Variants in ERBB4 observed in about 807,000 individuals in gnomAD.
ERBB4 encodes receptor tyrosine-protein kinase erbB-4.
Under a neutral mutation model 158.0 loss-of-function variants are expected in ERBB4, and 42 were observed. The ratio of observed to expected loss-of-function variants is 0.27; its 90% CI spans 0.21 to 0.34. ERBB4 has a LOEUF of 0.34. ERBB4 is among the 10% of genes least tolerant of loss of function. The pLI, the probability that ERBB4 is intolerant of heterozygous loss-of-function variation, is 1.00. For synonymous variants in ERBB4, 583 were observed against 558.7 expected (o/e 1.04, Z -0.61); for missense variants, 1,333 against 1,624.1 (o/e 0.82, Z 3.08).
rs866017374 is a variant in ERBB4 at position 211,580,803 on chromosome 2, T to C, written c.2302-18715A>G. 1.3e-4 allele frequency among the ~76,000 whole-genome samples: 8 copies of C among 63,278 alleles called. No homozygotes were observed. In the Admixed American group the frequency reaches 1.9e-3, roughly 15 times the overall value. 41.5% of individuals were successfully genotyped at this position (63,278 alleles called of 152,430 possible). A position where few individuals can be genotyped will look rare whatever the true frequency, so the allele number is the denominator to read the frequency against. The stretch of plus-strand genomic sequence containing the variant: ...AGAAATTGTGATATATATATATATA[T>C]ATATATATAATATATATATATTATA... On this transcript the variant is annotated intron_variant, in intron 19 of 27. Transcript: ENST00000342788.
intron 1 of ERBB4, among the ~76,000 whole-genome samples, chr2:212,293,866 A>AAC (rs2086308075): frequency 6.7e-6 from 1 of 150,038 alleles, no homozygotes; most frequent in Non-Finnish European, 1.5e-5. Context: ...AAACAAAAAA[A>AAC]AAAAAAACAT....
intron 2 of ERBB4, among the ~76,000 whole-genome samples, chr2:212,021,280 C>T (rs943186972): frequency 2.6e-5 from 4 of 152,098 alleles, no homozygotes; most frequent in Non-Finnish European, 5.9e-5. Flanking sequence ...TCCAATGGCA[C>T]TCAAAAGTGA....
intron 1 of ERBB4, among the ~76,000 whole-genome samples, chr2:212,165,883 T>C (rs922992520): frequency 2.6e-5 from 4 of 152,084 alleles, no homozygotes; most frequent in African/African-American, 4.8e-5. Flanking sequence ...AATTCTTCTA[T>C]TATTTTAAAC....
chr2:211,476,697 C>T (rs1382453749), intron 20 of ERBB4, among the ~76,000 whole-genome samples: 1 of 151,776 alleles, frequency 6.6e-6, no homozygotes, highest in Non-Finnish European at 1.5e-5. Flanking sequence ...ATAATGGAAG[C>T]GATTTGTTAA....
At chr2:211,608,004 G>A (rs1282542078) in intron 19 of ERBB4, among the ~76,000 whole-genome samples, 1 of 150,912 alleles carries the variant, frequency 6.6e-6, no homozygotes, top group East Asian at 1.9e-4. Context: ...GGGACTATAG[G>A]CATAAGCCAC....
chr2:212,217,306 C>A (rs1156861274), intron 1 of ERBB4, among the ~76,000 whole-genome samples: 1 of 151,272 alleles, frequency 6.6e-6, no homozygotes, highest in Non-Finnish European at 1.5e-5. Flanking sequence ...ATCTTTGTGT[C>A]ATCACCCACC....
chr2:212,453,712 C>G (rs1688127562), intron 1 of ERBB4, among the ~76,000 whole-genome samples: 1 of 151,818 alleles, frequency 6.6e-6, no homozygotes, highest in South Asian at 2.1e-4. Context: ...ATCATTTTAC[C>G]TAGTTACCAT....
At chr2:211,905,681 T>TATAC (rs1480195605) in intron 3 of ERBB4, among the ~76,000 whole-genome samples, 150 of 110,602 alleles carry the variant, frequency 1.4e-3, no homozygotes, top group East Asian at 2.1e-3. Context: ...TATATATATA[T>TATAC]ACACACATAT....
At position 211,900,372 on chromosome 2, in the gene ERBB4, A is replaced by C. The variant is rs1385431157; in HGVS notation, c.421+47058T>G. ...AGAGTCTAATTACTATTTTATGTTT[A>C]AACACACACACACACACACACACAC... On this transcript the variant is annotated intron_variant, in intron 3 of 27. Transcript: ENST00000342788. Among the ~76,000 whole-genome samples, 7 of 91,438 alleles carry C rather than the reference A, an allele frequency of 7.7e-5. No homozygotes were observed. In the Admixed American group the frequency reaches 8.2e-4, roughly 11 times the overall value. 60.0% of individuals were successfully genotyped at this position (91,438 alleles called of 152,430 possible).
intron 20 of ERBB4, among the ~76,000 whole-genome samples, chr2:211,462,259 A>AAC (rs1355476845): frequency 2.0e-5 from 3 of 151,984 alleles, no homozygotes; most frequent in African/African-American, 7.3e-5. Context: ...CTCACACACT[A>AAC]TCATGAGCAG....
Position 212,034,429 on chromosome 2 carries a change from G to A in ERBB4, c.235-86813C>T, listed in dbSNP as rs1157048595. On this transcript the variant is annotated intron_variant, in intron 2 of 27. Transcript: ENST00000342788. ...TTCTTACCTTACAAAGGATTAAAAA[G>A]GAATAGTGGTTATGATTCCCAGCTA... Among the ~76,000 whole-genome samples, 2 of 151,916 alleles carry A rather than the reference G, an allele frequency of 1.3e-5. 1 individual carries two copies. The highest frequency in any genetic ancestry group is 2.9e-5 in the Non-Finnish European group (2 of 67,914).
At chr2:211,646,359 G>T (rs750714115) in intron 16 of ERBB4, among the ~76,000 whole-genome samples, 3 of 151,396 alleles carry the variant, frequency 2.0e-5, no homozygotes, top group Non-Finnish European at 4.4e-5. Flanking sequence ...AATATGATGA[G>T]CTGGTGAGCT....
chr2:212,504,758 TTTGA>T (rs1284409712), intron 1 of ERBB4, among the ~76,000 whole-genome samples: 10 of 152,180 alleles, frequency 6.6e-5, no homozygotes, highest in Admixed American at 2.0e-4. Flanking sequence ...TTGATTATGA[TTTGA>T]TTATTATCTG....
At chr2:211,960,137 G>C (rs967243020) in intron 2 of ERBB4, among the ~76,000 whole-genome samples, 1 of 152,056 alleles carries the variant, frequency 6.6e-6, no homozygotes, top group African/African-American at 2.4e-5. Flanking sequence ...TTTACACAAA[G>C]AGAAACCAGG....
intron 16 of ERBB4, among the ~76,000 whole-genome samples, chr2:211,655,271 G>T (rs529230623): frequency 6.6e-6 from 1 of 152,170 alleles, no homozygotes; most frequent in East Asian, 1.9e-4. Flanking sequence ...TCCTGGTGTG[G>T]CTTTAAAGAC....
chr2:212,222,258 G>A (rs111912992), intron 1 of ERBB4, among the ~76,000 whole-genome samples: 9 of 151,492 alleles, frequency 5.9e-5, no homozygotes, highest in African/African-American at 1.4e-4. Context: ...TGAGGAGTAC[G>A]GGTTAATGGT....
At chr2:211,524,673 G>GCTC (rs2066292316) in intron 20 of ERBB4, among the ~76,000 whole-genome samples, 5 of 147,658 alleles carry the variant, frequency 3.4e-5, no homozygotes, top group South Asian at 2.1e-4. Flanking sequence ...TGCTCCGAGT[G>GCTC]CGGGGCCGCC....
chr2:212,365,228 G>T (rs1381984348), intron 1 of ERBB4, among the ~76,000 whole-genome samples: 1 of 151,560 alleles, frequency 6.6e-6, no homozygotes, highest in Non-Finnish European at 1.5e-5. Context: ...ATCTATATAA[G>T]AATAAAATGC....
At chr2:211,692,739 G>C (rs1264488986) in intron 12 of ERBB4, among the ~76,000 whole-genome samples, 1 of 152,146 alleles carries the variant, frequency 6.6e-6, no homozygotes, top group Admixed American at 6.5e-5. Context: ...AATAACTTTA[G>C]GATAATCATT....
Sources: allele counts gnomAD v4.1 joint callset (sites outside exome capture counted in the v4.1 genomes callset), GRCh38; gene constraint gnomAD v4.1.1; transcripts MANE v1.5; gene names NCBI Gene and HGNC (gene_info 2026-07-23, HGNC 2026-07-21).